NAPG: variants seen among roughly 807,000 people sequenced by gnomAD.
The protein encoded by NAPG is NSF attachment protein gamma.
Under a neutral mutation model 48.4 loss-of-function variants are expected in NAPG, and 25 were observed. The ratio of observed to expected loss-of-function variants is 0.52; its 90% CI spans 0.38 to 0.72. The LOEUF (loss-of-function observed/expected upper bound fraction) is 0.72. NAPG is among the 30% of genes least tolerant of loss of function. NAPG has a pLI of 0.00. For synonymous variants in NAPG, 139 were observed against 127.2 expected (o/e 1.09, Z -0.62); for missense variants, 359 against 372.5 (o/e 0.96, Z 0.30).
chr18:10,546,266 G>T lies in NAPG; in HGVS notation c.507-60G>T. The stretch of plus-strand genomic sequence containing the variant: ...CTATGATGTCAAGTACATTTCACAG[G>T]GGACCTCTGCTATAGATCATTTAGA... On this transcript the variant is annotated intron_variant, in intron 8 of 11. Transcript: ENST00000322897. This position sits in a 1 kb window ranked among gnomAD's most constrained non-coding sequence, Gnocchi z 4.0. The T allele has an allele frequency of 9.4e-7, 1 of 1,059,900 alleles. No homozygotes were observed. The highest frequency in any genetic ancestry group is 1.4e-6 in the Non-Finnish European group (1 of 730,892). The allele number at this position is 1,059,900 out of a possible 1,614,324, so 65.7% of individuals were successfully genotyped here. A position where few individuals can be genotyped will look rare whatever the true frequency, so the allele number is the denominator to read the frequency against.
At position 10,542,102 on chromosome 18, in the gene NAPG, C is replaced by T. The variant is rs2032169107; in HGVS notation, c.506+1703C>T. Among the ~76,000 whole-genome samples, 1 of 152,130 alleles carries T rather than the reference C, an allele frequency of 6.6e-6. No homozygotes were observed. The highest frequency in any genetic ancestry group is 2.1e-4 in the South Asian group (1 of 4,828). On this transcript the variant is annotated intron_variant, in intron 8 of 11. Transcript: ENST00000322897. This position sits in a 1 kb window ranked among gnomAD's most constrained non-coding sequence, Gnocchi z 4.5. The stretch of plus-strand genomic sequence containing the variant: ...TTTAAAGCAATTACTGTGTTAAATT[C>T]TTCAAAGCCTCAGCAGAGGGGAGAA...
In NAPG at chr18:10,544,716, C is replaced by T. The variant is rs1227341274; in HGVS notation, c.507-1610C>T. Among the ~76,000 whole-genome samples, 1 of 152,156 alleles carries T rather than the reference C, an allele frequency of 6.6e-6. No individual in the cohort carries two copies. The highest frequency in any genetic ancestry group is 1.5e-5 in the Non-Finnish European group (1 of 68,046). ...CATCATATTCCGAGGGTCACACCTA[C>T]ACTTAAAGGGGGATTATAGAGGAAA... On this transcript the variant is annotated intron_variant, in intron 8 of 11. Transcript: ENST00000322897. This position sits in a 1 kb window ranked among gnomAD's most constrained non-coding sequence, Gnocchi z 5.1.
chr18:10,530,399 T>G (rs1264666872), intron 1 of NAPG, among the ~76,000 whole-genome samples: 2 of 152,118 alleles, frequency 1.3e-5, no homozygotes, highest in Admixed American at 1.3e-4. Context: ...CTGTCGATAC[T>G]GTGCTTCAGA....
intron 5 of NAPG, among the ~76,000 whole-genome samples, chr18:10,536,961 TG>T (rs746556315): frequency 0.014 from 2,054 of 148,510 alleles, 70 homozygotes; most frequent in African/African-American, 0.047. Flanking sequence ...AGCCTGTTTT[TG>T]TTTTTTTTTT....
Position 10,539,868 on chromosome 18 carries a change from GA to G in NAPG, c.368del (p.Lys123SerfsTer3). 1 of 1,613,906 alleles carries G rather than the reference GA, an allele frequency of 6.2e-7. No homozygotes were observed. Among genetic ancestry groups the G allele is most frequent in the Non-Finnish European group, 8.5e-7 (1 of 1,179,812 alleles). On this transcript the variant is annotated frameshift_variant and splice_region_variant, in exon 6 of 12. Transcript: ENST00000322897. LOFTEE classifies it high-confidence loss of function. This position sits in a 1 kb window ranked among gnomAD's most constrained non-coding sequence, Gnocchi z 4.7. The part of the protein sequence containing the change: ...DTAAMALERA[G>X]KLIENVDPEK... Reference sequence around the variant, plus strand: ...GCAGCCATGGCTTTGGAGCGAGCTGGAAAGTGAGTGTGAGATGGACAAGTCT... The same window carrying G: ...GCAGCCATGGCTTTGGAGCGAGCTGGAAGTGAGTGTGAGATGGACAAGTCT...
chr18:10,533,438 G>A, intron 3 of NAPG, 98 bp from the exon 4 acceptor site: 1 of 1,036,200 alleles, frequency 9.7e-7, no homozygotes, highest in Non-Finnish European at 1.4e-6. Flanking sequence ...GAACCAACTG[G>A]GTCAGTGATT....
intron 4 of NAPG, among the ~76,000 whole-genome samples, chr18:10,533,790 TAGCCTATGGGAAAAAAATA>T (rs751372109): frequency 1.2e-4 from 16 of 133,650 alleles, no homozygotes; most frequent in Non-Finnish European, 2.3e-4. Context: ...TTTTGTTCAG[TAGCCTATGGGAAAAAAATA>T]AGTTAGGATC....
rs1214524632 is a variant in NAPG, at chr18:10,546,671, C to T, written c.585+267C>T. On this transcript the variant is annotated intron_variant, in intron 9 of 11. Coordinates refer to ENST00000322897, the MANE Select transcript of NAPG (RefSeq NM_003826.3). This position sits in a 1 kb window ranked among gnomAD's most constrained non-coding sequence, Gnocchi z 4.0. ...AAGAGACTAAGGAGAGGAGCAAACACGTGGAGAAACAACCACCATGGGAAT... is the reference window on the plus strand; with the variant it reads ...AAGAGACTAAGGAGAGGAGCAAACATGTGGAGAAACAACCACCATGGGAAT... 2.0e-5 allele frequency among the ~76,000 whole-genome samples: 3 copies of T among 152,160 alleles called. No individual in the cohort carries two copies. Among genetic ancestry groups the T allele is most frequent in the South Asian group, 2.1e-4 (1 of 4,822 alleles).
At chr18:10,541,055 A>G (rs1160532705) in intron 8 of NAPG, among the ~76,000 whole-genome samples, 1 of 152,196 alleles carries the variant, frequency 6.6e-6, no homozygotes. Flanking sequence ...AAAACACCCA[A>G]GATCCATTTA....
rs781419227 is a variant in NAPG, at chr18:10,548,298, GAAA to G, written c.587_589del (p.Lys196del). ...GACCATGATCCTCTCTTTTGTTTTA[GAAA>G]ACAATTGCTCAAGTCTTAGTTCATC... On this transcript the variant is annotated inframe_deletion and splice_region_variant, in exon 10 of 12. Coordinates refer to ENST00000322897, the MANE Select transcript of NAPG (RefSeq NM_003826.3). This position sits in a 1 kb window ranked among gnomAD's most constrained non-coding sequence, Gnocchi z 4.4. The G allele has an allele frequency of 6.2e-7, 1 of 1,609,658 alleles. No homozygotes were observed. Among genetic ancestry groups the G allele is most frequent in the Non-Finnish European group, 8.5e-7 (1 of 1,176,390 alleles).
chr18:10,540,529 G>C (rs890836210), intron 8 of NAPG, 130 bp downstream of exon 8: 10 of 629,646 alleles, frequency 1.6e-5, no homozygotes, highest in Non-Finnish European at 2.7e-5. Context: ...CCACACAATA[G>C]AATATTAACA....
chr18:10,526,076 C>G lies in NAPG; in HGVS notation c.-27C>G. The G allele has an allele frequency of 1.2e-6, 2 of 1,611,680 alleles. No individual in the cohort carries two copies. Among genetic ancestry groups the G allele is most frequent in the Non-Finnish European group, 1.7e-6 (2 of 1,178,008 alleles). ...GGAGGAAGAGGCAGGGTCACCCTCT[C>G]TCCACGTCAGAGACCTGACTGTGGA... On this transcript the variant is annotated 5_prime_UTR_variant, in exon 1 of 12. Transcript: ENST00000322897.
chr18:10,532,662 A>G (rs1382442820), intron 2 of NAPG, 49 bp from the exon 3 acceptor site: 3 of 1,404,536 alleles, frequency 2.1e-6, no homozygotes, highest in Non-Finnish European at 9.8e-7. Context: ...GTAATGATTC[A>G]TTTGAGGTTT....
intron 3 of NAPG, chr18:10,533,049 T>C: frequency 2.6e-6 from 1 of 385,078 alleles, no homozygotes. Context: ...TGGTTTTACT[T>C]GGGATGAAGT....
In NAPG at chr18:10,550,002, G is replaced by C. The variant is rs962317825; in HGVS notation, c.796-75G>C. ...TCCTGAGGGTGGGGAGCCAGGCTGT[G>C]TCTTTTTAGAGCTGAGTAAAACATG... On this transcript the variant is annotated intron_variant, in intron 11 of 11. Transcript: ENST00000322897. The C allele has an allele frequency of 6.3e-6, 9 of 1,426,492 alleles. No individual in the cohort carries two copies. The East Asian group carries it at 2.5e-4, about 39-fold the overall frequency. The allele number at this position is 1,426,492 out of a possible 1,614,324, so 88.4% of individuals were successfully genotyped here.
chr18:10,532,773 G>A lies in NAPG; in HGVS notation c.187G>A (p.Val63Ile), dbSNP rs1195225389. Reference sequence around the variant, plus strand: ...AAAAGATGCCTGCCTGAGGGAAGCTGTTGCCCATGAAAATAATAGGGCGTA... The same window carrying A: ...AAAAGATGCCTGCCTGAGGGAAGCTATTGCCCATGAAAATAATAGGGCGTA... ...QAKDACLREA[V>I]AHENNRALFH... is the part of the protein sequence containing the mutation. Residue 63 changes from valine (V) to isoleucine (I), a missense_variant, in exon 3 of 12, where the codon GTT (valine) becomes ATT (isoleucine). Val to Ile is a conservative substitution (Grantham distance 29). Transcript: ENST00000322897. The A allele has an allele frequency of 6.3e-7, 1 of 1,587,708 alleles. No homozygotes were observed. Among genetic ancestry groups the A allele is most frequent in the Admixed American group, 1.7e-5 (1 of 57,374 alleles).
chr18:10,530,343 A>G (rs911676109), intron 1 of NAPG, among the ~76,000 whole-genome samples: 6 of 151,442 alleles, frequency 4.0e-5, no homozygotes, highest in Non-Finnish European at 7.4e-5. Context: ...GCCTCCATTT[A>G]TGTCTCTAGA....
At chr18:10,538,402 A>G (rs1416679986) in intron 5 of NAPG, among the ~76,000 whole-genome samples, 1 of 152,192 alleles carries the variant, frequency 6.6e-6, no homozygotes, top group Non-Finnish European at 1.5e-5. Flanking sequence ...ATTTTTTTGA[A>G]GAAAGCCATA....
Position 10,543,825 on chromosome 18 carries a change from C to T in NAPG, c.507-2501C>T, listed in dbSNP as rs2032205762. Among the ~76,000 whole-genome samples, 1 of 152,188 alleles carries T rather than the reference C, an allele frequency of 6.6e-6. No homozygotes were observed. The highest frequency in any genetic ancestry group is 6.5e-5 in the Admixed American group (1 of 15,276). On this transcript the variant is annotated intron_variant, in intron 8 of 11. Transcript: ENST00000322897. This position sits in a 1 kb window ranked among gnomAD's most constrained non-coding sequence, Gnocchi z 4.4. ...GTTTCATTATAATAAGTAACTAATA[C>T]TTTTCTGGATACATTTAAAAATAGA... is the stretch of plus-strand genomic sequence containing the variant.
Sources: allele counts gnomAD v4.1 joint callset (sites outside exome capture counted in the v4.1 genomes callset), GRCh38; gene constraint gnomAD v4.1.1; non-coding constraint Gnocchi (gnomAD v3.1); transcripts MANE v1.5; gene names NCBI Gene and HGNC (gene_info 2026-07-23, HGNC 2026-07-21).